Variants in PPARA observed in about 807,000 individuals in gnomAD.
PPARA encodes peroxisome proliferator-activated receptor alpha.
PPARA carries 22 observed loss-of-function variants against 42.2 expected under a neutral mutation model. The observed-to-expected ratio is 0.52, with a 90% CI of 0.37 to 0.74. PPARA has a LOEUF of 0.74. PPARA is among the 30% of genes least tolerant of loss of function. The pLI is 0.00. For synonymous variants in PPARA, 242 were observed against 239.3 expected (o/e 1.01, Z -0.10); for missense variants, 465 against 608.2 (o/e 0.76, Z 2.48).
chr22:46,218,405 G>C lies in PPARA; in HGVS notation c.508+4G>C. 6.2e-7 allele frequency: 1 copy of C among 1,614,144 alleles called. No individual in the cohort carries two copies. The highest frequency in any genetic ancestry group is 1.3e-5 in the African/African-American group (1 of 75,042). Reference sequence around the variant, plus strand: ...TCTGTCGGGATGTCACACAACGGTAGGTAAGGTGGCCCTGCACATTTTCCC... The same window carrying C: ...TCTGTCGGGATGTCACACAACGGTACGTAAGGTGGCCCTGCACATTTTCCC... On this transcript the variant is annotated splice_donor_region_variant and intron_variant, in intron 6 of 8. Coordinates refer to ENST00000407236, the MANE Select transcript of PPARA (RefSeq NM_005036.6).
rs1263736903 is a variant in PPARA, at chr22:46,211,541, C to T, written c.209-3632C>T. 6.6e-6 allele frequency among the ~76,000 whole-genome samples: 1 copy of T among 152,168 alleles called. No homozygotes were observed. Among genetic ancestry groups the T allele is most frequent in the African/African-American group, 2.4e-5 (1 of 41,434 alleles). On this transcript the variant is annotated intron_variant, in intron 4 of 8. Transcript: ENST00000407236. The surrounding 1 kb of genome is among the most constrained non-coding windows in gnomAD (Gnocchi z 4.1). ...GTAGCACAGTTAGATTGTTTTGTTA[C>T]ATTCTGCATTTCACCCTGGGATCCT...
rs1305418001 is a variant in PPARA, at chr22:46,211,391, GCA to G, written c.209-3779_209-3778del. Among the ~76,000 whole-genome samples, 2 of 152,168 alleles carry G rather than the reference GCA, an allele frequency of 1.3e-5. No individual in the cohort carries two copies. The highest frequency in any genetic ancestry group is 4.8e-5 in the African/African-American group (2 of 41,440). On this transcript the variant is annotated intron_variant, in intron 4 of 8. Transcript: ENST00000407236. This position sits in a 1 kb window ranked among gnomAD's most constrained non-coding sequence, Gnocchi z 4.1. ...TGGGAAAAAAACTCCATCAGCTAGA[GCA>G]CAGTGTTTACAGCCAGATCCTTTTG...
At chr22:46,179,020 G>A (rs1036247079) in intron 3 of PPARA, among the ~76,000 whole-genome samples, 1 of 152,168 alleles carries the variant, frequency 6.6e-6, no homozygotes, top group African/African-American at 2.4e-5. Context: ...CTGGCATCCG[G>A]TGAGGGCCTT....
chr22:46,172,006 G>C (rs1356530668), intron 2 of PPARA, among the ~76,000 whole-genome samples: 1 of 152,158 alleles, frequency 6.6e-6, no homozygotes, highest in Non-Finnish European at 1.5e-5. Flanking sequence ...AGGCTCCACC[G>C]CGTTGGGTGT....
chr22:46,235,081 A>G lies in PPARA; in HGVS notation c.1160-52A>G. ...TGTTTGGTTCCTGAAACTGATAAGC[A>G]GTTCTTGGGTGATTATCACACTCAA... On this transcript the variant is annotated intron_variant, in intron 8 of 8. Coordinates refer to ENST00000407236, the MANE Select transcript of PPARA (RefSeq NM_005036.6). This position sits in a 1 kb window ranked among gnomAD's most constrained non-coding sequence, Gnocchi z 7.0. The G allele has an allele frequency of 6.2e-7, 1 of 1,612,462 alleles. No homozygotes were observed. Among genetic ancestry groups the G allele is most frequent in the Non-Finnish European group, 8.5e-7 (1 of 1,178,624 alleles).
At chr22:46,217,970 A>G (rs1934650224) in intron 5 of PPARA, among the ~76,000 whole-genome samples, 1 of 151,674 alleles carries the variant, frequency 6.6e-6, no homozygotes, top group South Asian at 2.1e-4. Flanking sequence ...AGCTGGGACT[A>G]CAGACTTACA....
rs752011597 is a variant in PPARA at position 46,198,407 on chromosome 22, C to G, written c.24C>G (p.Leu8=). 1 of 1,613,958 alleles carries G rather than the reference C, an allele frequency of 6.2e-7. No homozygotes were observed. The highest frequency in any genetic ancestry group is 2.2e-5 in the East Asian group (1 of 44,888). ...CGATGGTGGACACGGAAAGCCCACTCTGCCCCCTCTCCCCACTCGAGGCCG... is the reference window on the plus strand; with the variant it reads ...CGATGGTGGACACGGAAAGCCCACTGTGCCCCCTCTCCCCACTCGAGGCCG... MVDTESP[L]CPLSPLEAGD... Residue 8 remains leucine, a synonymous_variant, in exon 4 of 9, where the codon CTC becomes CTG. Coordinates refer to ENST00000407236, the MANE Select transcript of PPARA (RefSeq NM_005036.6).
intron 4 of PPARA, among the ~76,000 whole-genome samples, chr22:46,205,935 G>T (rs981537105): frequency 6.6e-6 from 1 of 151,872 alleles, no homozygotes; most frequent in Non-Finnish European, 1.5e-5. Context: ...TGTTAACATG[G>T]TATATCTTTT....
chr22:46,202,284 G>A (rs1932877830), intron 4 of PPARA, among the ~76,000 whole-genome samples: 1 of 152,162 alleles, frequency 6.6e-6, no homozygotes, highest in Admixed American at 6.5e-5. Context: ...TTAGGTCATT[G>A]TCAAGAACTA....
chr22:46,153,878 A>G lies in PPARA; in HGVS notation c.-127+1908A>G, dbSNP rs573484249. ...CGTTTCCAAAAAAAAAAAATTGTATATGAGAGAGACAGAACTAGACAGAGA... is the reference window on the plus strand; with the variant it reads ...CGTTTCCAAAAAAAAAAAATTGTATGTGAGAGAGACAGAACTAGACAGAGA... On this transcript the variant is annotated intron_variant, in intron 2 of 8. Transcript: ENST00000407236. Among the ~76,000 whole-genome samples, 4 of 152,256 alleles carry G rather than the reference A, an allele frequency of 2.6e-5. No homozygotes were observed. The South Asian group carries it at 8.3e-4, about 32-fold the overall frequency.
In PPARA at chr22:46,227,625, C is replaced by T. The variant is rs989863903; in HGVS notation, c.712-4167C>T. Among the ~76,000 whole-genome samples, 3 of 152,306 alleles carry T rather than the reference C, an allele frequency of 2.0e-5. No individual in the cohort carries two copies. The highest frequency in any genetic ancestry group is 2.9e-5 in the Non-Finnish European group (2 of 68,036). ...TCTCATGAGTGATATCATTGAGCTT[C>T]GTAGGCCACATGAGTGTGTGCCGGG... On this transcript the variant is annotated intron_variant, in intron 7 of 8. Transcript: ENST00000407236. This position sits in a 1 kb window ranked among gnomAD's most constrained non-coding sequence, Gnocchi z 4.3.
chr22:46,213,087 T>A (rs1406865353), intron 4 of PPARA, among the ~76,000 whole-genome samples: 1 of 152,216 alleles, frequency 6.6e-6, no homozygotes, highest in Non-Finnish European at 1.5e-5. Context: ...AGAGTGTGAT[T>A]CCATCATACA....
Position 46,161,028 on chromosome 22 carries a change from T to G in PPARA, c.-127+9058T>G, listed in dbSNP as rs903584711. Among the ~76,000 whole-genome samples the G allele has an allele frequency of 6.6e-6, 1 of 152,198 alleles. No individual in the cohort carries two copies. The highest frequency in any genetic ancestry group is 1.5e-5 in the Non-Finnish European group (1 of 68,032). ...AGAAGTCTAAGTGAAAGTGAATATT[T>G]AACCACACTCAAGCACAGCTGATGA... is the stretch of plus-strand genomic sequence containing the variant. On this transcript the variant is annotated intron_variant, in intron 2 of 8. Coordinates refer to ENST00000407236, the MANE Select transcript of PPARA (RefSeq NM_005036.6). This position sits in a 1 kb window ranked among gnomAD's most constrained non-coding sequence, Gnocchi z 4.8.
rs538872137 is a variant in PPARA, at chr22:46,161,954, G to A, written c.-127+9984G>A. 9.4e-4 allele frequency among the ~76,000 whole-genome samples: 143 copies of A among 152,200 alleles called. No individual in the cohort carries two copies. Among genetic ancestry groups the A allele is most frequent in the African/African-American group, 2.9e-3 (121 of 41,528 alleles). ...TTCCAGATGTCACCTGGGCCCTCCCGGAGGCCCTCGCCCTCAGTGTGTCTG... is the reference window on the plus strand; with the variant it reads ...TTCCAGATGTCACCTGGGCCCTCCCAGAGGCCCTCGCCCTCAGTGTGTCTG... On this transcript the variant is annotated intron_variant, in intron 2 of 8. Coordinates refer to ENST00000407236, the MANE Select transcript of PPARA (RefSeq NM_005036.6). This position sits in a 1 kb window ranked among gnomAD's most constrained non-coding sequence, Gnocchi z 4.8.
Position 46,235,522 on chromosome 22 carries a change from C to T in PPARA, c.*142C>T. On this transcript the variant is annotated 3_prime_UTR_variant, in exon 9 of 9. Coordinates refer to ENST00000407236, the MANE Select transcript of PPARA (RefSeq NM_005036.6). This position sits in a 1 kb window ranked among gnomAD's most constrained non-coding sequence, Gnocchi z 7.0. ...GACAGTCTGAGCTGTAGGTAACCGG[C>T]ATATTATTCCATATCTTTGTTTTAA... 9.6e-7 allele frequency: 1 copy of T among 1,042,798 alleles called. No individual in the cohort carries two copies. Among genetic ancestry groups the T allele is most frequent in the Non-Finnish European group, 1.4e-6 (1 of 708,312 alleles). The allele number at this position is 1,042,798 out of a possible 1,614,324, so 64.6% of individuals were successfully genotyped here. A position where few individuals can be genotyped will look rare whatever the true frequency, so the allele number is the denominator to read the frequency against.
rs919190245 is a variant in PPARA at position 46,241,537 on chromosome 22, T to C, written c.*6157T>C. The C allele has an allele frequency of 6.6e-6, 1 of 152,188 alleles. No homozygotes were observed. Among genetic ancestry groups the C allele is most frequent in the Non-Finnish European group, 1.5e-5 (1 of 68,054 alleles). The allele number at this position is 152,188 out of a possible 1,614,324, so 9.4% of individuals were successfully genotyped here. ...ACAAAAAGCCATGTGTGTGGCCTTA[T>C]CAGAACAGAAAGAGACAGGCTGGTG... On this transcript the variant is annotated 3_prime_UTR_variant, in exon 9 of 9. Coordinates refer to ENST00000407236, the MANE Select transcript of PPARA (RefSeq NM_005036.6). This position sits in a 1 kb window ranked among gnomAD's most constrained non-coding sequence, Gnocchi z 5.7.
chr22:46,173,078 G>A lies in PPARA; in HGVS notation c.-126-3675G>A, dbSNP rs945819450. Among the ~76,000 whole-genome samples, 3 of 152,132 alleles carry A rather than the reference G, an allele frequency of 2.0e-5. No individual in the cohort carries two copies. Among genetic ancestry groups the A allele is most frequent in the African/African-American group, 7.2e-5 (3 of 41,412 alleles). On this transcript the variant is annotated intron_variant, in intron 2 of 8. Transcript: ENST00000407236. This position sits in a 1 kb window ranked among gnomAD's most constrained non-coding sequence, Gnocchi z 4.3. ...CATTCATCTTTGTCCCTTTAGAAAAGGATTTGTCCTGCAACCAGCTCTTGC... is the reference window on the plus strand; with the variant it reads ...CATTCATCTTTGTCCCTTTAGAAAAAGATTTGTCCTGCAACCAGCTCTTGC...
intron 2 of PPARA, among the ~76,000 whole-genome samples, chr22:46,169,469 C>G (rs75996693): frequency 1.3e-5 from 2 of 151,754 alleles, no homozygotes; most frequent in Non-Finnish European, 2.9e-5. Flanking sequence ...CTCCTGCTGT[C>G]GTGATCTGCC....
Position 46,230,337 on chromosome 22 carries a change from C to T in PPARA, c.712-1455C>T, listed in dbSNP as rs183001250. Among the ~76,000 whole-genome samples the T allele has an allele frequency of 4.4e-3, 666 of 152,104 alleles. 4 individuals are homozygous for T. Among genetic ancestry groups the T allele is most frequent in the Non-Finnish European group, 7.5e-3 (513 of 68,014 alleles). On this transcript the variant is annotated intron_variant, in intron 7 of 8. Transcript: ENST00000407236. This position sits in a 1 kb window ranked among gnomAD's most constrained non-coding sequence, Gnocchi z 5.0. The stretch of plus-strand genomic sequence containing the variant: ...AGTGAGCCGAGATTGTGCCATTGCA[C>T]TCCAGCCTGGGCAACAAGAGCAAAA...
Sources: gnomAD v4.1 joint callset for allele counts (sites outside exome capture counted in the v4.1 genomes callset) on GRCh38, gnomAD v4.1.1 for gene constraint, Gnocchi (gnomAD v3.1) non-coding constraint, MANE v1.5 for transcripts, NCBI Gene and HGNC (gene_info 2026-07-23, HGNC 2026-07-21) for gene names.